Variants in PARD3B observed in about 807,000 individuals in gnomAD.
PARD3B encodes the protein partitioning defective 3 homolog B.
A neutral mutation model predicts 130.2 loss-of-function variants in PARD3B; 103 were observed. The observed-to-expected ratio is 0.79, with a 90% CI of 0.67 to 0.93. The LOEUF (loss-of-function observed/expected upper bound fraction) is 0.93. Among genes scored for constraint, PARD3B ranks in the 40% least tolerant of loss-of-function variants. The pLI is 0.00. For synonymous variants in PARD3B, 583 were observed against 553.2 expected, an observed-to-expected ratio of 1.05 and a Z score of -0.76; for missense variants, 1,609 against 1,499.2, an observed-to-expected ratio of 1.07 and a Z score of -1.21.
At chr2:204,771,868 A>G (rs1226914595) in intron 2 of PARD3B, among the ~76,000 whole-genome samples, 3 of 152,078 alleles carry the variant, frequency 2.0e-5, no homozygotes, top group Non-Finnish European at 2.9e-5. Context: ...TATTGATCAC[A>G]TAAGATGGTA....
chr2:204,746,891 G>A (rs991991551), intron 2 of PARD3B, among the ~76,000 whole-genome samples: 4 of 152,140 alleles, frequency 2.6e-5, no homozygotes, highest in African/African-American at 7.2e-5. Flanking sequence ...TTTGTCAGAT[G>A]AGTAGATTGC....
intron 18 of PARD3B, among the ~76,000 whole-genome samples, chr2:205,340,711 A>G (rs944038469): frequency 6.6e-6 from 1 of 152,176 alleles, no homozygotes; most frequent in Non-Finnish European, 1.5e-5. Flanking sequence ...CTAAGATATC[A>G]AAAGCACAGG....
Position 205,248,848 on chromosome 2 carries a change from C to T in PARD3B, c.2185+3026C>T, listed in dbSNP as rs189815844. Among the ~76,000 whole-genome samples, 24 of 151,870 alleles carry T rather than the reference C, an allele frequency of 1.6e-4. No homozygotes were observed. The East Asian group carries it at 4.5e-3, about 28-fold the overall frequency. On this transcript the variant is annotated intron_variant, in intron 16 of 22. Transcript: ENST00000406610. ...GGTTTCGATCTCCTGACCTTGTGATCCGCCCGCCTCGGCCTCCCAAAGTGC... is the reference window on the plus strand; with the variant it reads ...GGTTTCGATCTCCTGACCTTGTGATTCGCCCGCCTCGGCCTCCCAAAGTGC...
chr2:205,199,942 C>T (rs753652815), intron 15 of PARD3B, among the ~76,000 whole-genome samples: 138 of 151,692 alleles, frequency 9.1e-4, no homozygotes, highest in Non-Finnish European at 1.5e-3. Context: ...AATCTCAATG[C>T]TGATCATCAG....
At chr2:205,615,420 G>C in intron 22 of PARD3B, 36 bp from the exon 23 acceptor site, 1 of 1,530,208 alleles carries the variant, frequency 6.5e-7, no homozygotes, top group Non-Finnish European at 8.8e-7. Flanking sequence ...GGCCAGCTTA[G>C]GAGCTGCTAA....
intron 2 of PARD3B, among the ~76,000 whole-genome samples, chr2:204,694,007 A>AT (rs1373018695): frequency 1.3e-5 from 2 of 152,064 alleles, no homozygotes; most frequent in Non-Finnish European, 2.9e-5. Flanking sequence ...GAGGTTTTGA[A>AT]TAAGCCATTC....
intron 1 of PARD3B, among the ~76,000 whole-genome samples, chr2:204,578,060 C>T (rs974505993): frequency 5.9e-5 from 9 of 152,328 alleles, no homozygotes; most frequent in East Asian, 1.9e-4. Context: ...CATCTTACAA[C>T]GTAGTGGACA....
chr2:204,886,684 G>A (rs78659245), intron 2 of PARD3B, among the ~76,000 whole-genome samples: 2,808 of 152,286 alleles, frequency 0.018, 58 homozygotes, highest in East Asian at 0.11. Flanking sequence ...ATGAAATCAT[G>A]TAAACAGATA....
intron 14 of PARD3B, among the ~76,000 whole-genome samples, chr2:205,192,574 A>G (rs956208590): frequency 2.6e-5 from 4 of 152,230 alleles, no homozygotes; most frequent in Non-Finnish European, 5.9e-5. Context: ...GAGATTGCCT[A>G]CAAGTACTAA....
At chr2:204,646,560 G>A (rs2125161505) in intron 1 of PARD3B, among the ~76,000 whole-genome samples, 1 of 152,010 alleles carries the variant, frequency 6.6e-6, no homozygotes, top group Non-Finnish European at 1.5e-5. Context: ...TCTAACCTGG[G>A]GCTATTGTGA....
At chr2:205,450,728 G>A (rs752108767) in intron 20 of PARD3B, among the ~76,000 whole-genome samples, 2 of 151,852 alleles carry the variant, frequency 1.3e-5, no homozygotes, top group African/African-American at 2.4e-5. Flanking sequence ...CGCCCGCCTC[G>A]GCCTCCCAAA....
intron 2 of PARD3B, among the ~76,000 whole-genome samples, chr2:204,892,501 A>G (rs897933937): frequency 6.6e-6 from 1 of 152,202 alleles, no homozygotes; most frequent in African/African-American, 2.4e-5. Flanking sequence ...GCTACCTTGA[A>G]TTGAGATGTG....
chr2:204,740,936 C>T (rs1440368949), intron 2 of PARD3B, among the ~76,000 whole-genome samples: 1 of 152,070 alleles, frequency 6.6e-6, no homozygotes, highest in Non-Finnish European at 1.5e-5. Flanking sequence ...GGTTTTATCT[C>T]TAGAGAAAAA....
intron 15 of PARD3B, among the ~76,000 whole-genome samples, chr2:205,201,543 A>C (rs2036987465): frequency 6.6e-6 from 1 of 152,194 alleles, no homozygotes; most frequent in Admixed American, 6.5e-5. Context: ...TATGTCATTA[A>C]AACATATTAT....
At chr2:205,182,699 G>T (rs1009717340) in intron 13 of PARD3B, among the ~76,000 whole-genome samples, 7 of 152,158 alleles carry the variant, frequency 4.6e-5, no homozygotes, top group African/African-American at 1.4e-4. Context: ...TAAACCTAAA[G>T]TGTCACTGGA....
intron 20 of PARD3B, among the ~76,000 whole-genome samples, chr2:205,492,870 G>T (rs1183722552): frequency 6.6e-6 from 1 of 152,068 alleles, no homozygotes; most frequent in Non-Finnish European, 1.5e-5. Flanking sequence ...TTTTCATTAT[G>T]AGATGTTAAA....
At chr2:204,720,511 A>G (rs898803164) in intron 2 of PARD3B, among the ~76,000 whole-genome samples, 3 of 152,234 alleles carry the variant, frequency 2.0e-5, no homozygotes, top group African/African-American at 4.8e-5. Flanking sequence ...CCATTAAACA[A>G]TTTCCATTGT....
chr2:205,597,116 G>A lies in PARD3B; in HGVS notation c.3261-18340G>A, dbSNP rs147433828. On this transcript the variant is annotated intron_variant, in intron 22 of 22. Transcript: ENST00000406610. ...ACCTACGTGTATTACATAATGCTGA[G>A]GCTTGGATTACAAATGAATGTGTCT... 8.9e-4 allele frequency among the ~76,000 whole-genome samples: 135 copies of A among 152,014 alleles called. 6 individuals carry two copies. In the East Asian group the frequency reaches 0.024, roughly 27 times the overall value.
At chr2:204,695,718 T>C (rs2125263949) in intron 2 of PARD3B, among the ~76,000 whole-genome samples, 1 of 152,100 alleles carries the variant, frequency 6.6e-6, no homozygotes, top group South Asian at 2.1e-4. Context: ...CAAACATTTC[T>C]GCATAGCCCA....
Sources: allele counts gnomAD v4.1 joint callset (sites outside exome capture counted in the v4.1 genomes callset), GRCh38; gene constraint gnomAD v4.1.1; transcripts MANE v1.5; gene names NCBI Gene and HGNC (gene_info 2026-07-23, HGNC 2026-07-21).